USH2A: variants seen among roughly 807,000 people sequenced by gnomAD.
USH2A encodes Usher syndrome 2A (autosomal recessive, mild).
Under a neutral mutation model 538.9 loss-of-function variants are expected in USH2A, and 443 were observed. The observed-to-expected ratio is 0.82, with a 90% confidence interval of 0.76 to 0.89. The LOEUF is 0.89. USH2A is among the 40% of genes least tolerant of loss of function. The pLI, the probability that USH2A is intolerant of heterozygous loss-of-function variation, is 0.00. For missense variants in USH2A, 6,633 were observed against 6,324.8 expected (o/e 1.05, Z -1.65); for synonymous variants, 2,413 against 2,273.5 (o/e 1.06, Z -1.75).
At chr1:216,174,600 GTT>G in intron 21 of USH2A, 1 of 981,038 alleles carries the variant, frequency 1.0e-6, no homozygotes, top group Non-Finnish European at 1.2e-6. Context: ...TTAACACTGA[GTT>G]TTTTAGTGCC....
chr1:216,141,333 G>T (rs192686757), intron 21 of USH2A, among the ~76,000 whole-genome samples: 1 of 152,340 alleles, frequency 6.6e-6, no homozygotes, highest in Admixed American at 6.5e-5. Context: ...CAGTCTGCCT[G>T]CCAGGTGCTG....
chr1:216,177,345 C>T (rs1343058888), intron 20 of USH2A, among the ~76,000 whole-genome samples: 1 of 152,250 alleles, frequency 6.6e-6, no homozygotes, highest in East Asian at 1.9e-4. Flanking sequence ...TATTTGCCAT[C>T]TGTATATCTT....
At chr1:216,031,182 A>G (rs1182239123) in intron 32 of USH2A, among the ~76,000 whole-genome samples, 1 of 152,018 alleles carries the variant, frequency 6.6e-6, no homozygotes, top group East Asian at 1.9e-4. Context: ...AGTTTACTAA[A>G]TTTCCTAAAT....
Position 216,053,698 on chromosome 1 carries a change from G to A in USH2A, c.6050-5051C>T, listed in dbSNP as rs371421081. 2.1e-3 allele frequency among the ~76,000 whole-genome samples: 324 copies of A among 152,186 alleles called. 3 individuals carry two copies. The highest frequency in any genetic ancestry group is 7.1e-3 in the African/African-American group (296 of 41,508). ...ATGAAACACAGGAGCGTGGGTATCCGGATTAAAATCATTGGCACCAGCAGG... is the reference window on the plus strand; with the variant it reads ...ATGAAACACAGGAGCGTGGGTATCCAGATTAAAATCATTGGCACCAGCAGG... On this transcript the variant is annotated intron_variant, in intron 30 of 71. Transcript: ENST00000307340.
intron 21 of USH2A, among the ~76,000 whole-genome samples, chr1:216,112,642 T>A (rs1472920910): frequency 6.6e-6 from 1 of 152,108 alleles, no homozygotes; most frequent in Non-Finnish European, 1.5e-5. Context: ...GACCCCAGTG[T>A]CTGTTGTTCC....
intron 3 of USH2A, among the ~76,000 whole-genome samples, chr1:216,380,431 T>C (rs1303157132): frequency 2.0e-5 from 3 of 151,954 alleles, no homozygotes; most frequent in Non-Finnish European, 4.4e-5. Flanking sequence ...AAACAAAAAG[T>C]TCTAGGGAAT....
intron 37 of USH2A, among the ~76,000 whole-genome samples, chr1:215,962,803 A>G (rs1018677778): frequency 1.3e-5 from 2 of 152,164 alleles, no homozygotes; most frequent in East Asian, 3.9e-4. Context: ...TCATGAGAAC[A>G]TAATACGTGG....
intron 47 of USH2A, among the ~76,000 whole-genome samples, chr1:215,832,708 T>G (rs1663359279): frequency 6.6e-6 from 1 of 151,904 alleles, no homozygotes; most frequent in Admixed American, 6.6e-5. Context: ...AAGGATATGC[T>G]CTTATCACGT....
chr1:216,136,642 G>A (rs1343615716), intron 21 of USH2A, among the ~76,000 whole-genome samples: 1 of 152,086 alleles, frequency 6.6e-6, no homozygotes, highest in Non-Finnish European at 1.5e-5. Flanking sequence ...TTGGAAATAG[G>A]GATTTTGCAG....
At chr1:216,386,038 C>T (rs2038997972) in intron 3 of USH2A, among the ~76,000 whole-genome samples, 1 of 152,156 alleles carries the variant, frequency 6.6e-6, no homozygotes. Context: ...TATGTCTTAT[C>T]TCTTTCACTA....
intron 61 of USH2A, among the ~76,000 whole-genome samples, chr1:215,722,227 T>C (rs1659685167): frequency 6.6e-6 from 1 of 152,204 alleles, no homozygotes; most frequent in Admixed American, 6.5e-5. Flanking sequence ...GGAAATATGA[T>C]AATTATTTTT....
At chr1:215,946,991 C>T (rs1666775122) in intron 37 of USH2A, among the ~76,000 whole-genome samples, 1 of 150,910 alleles carries the variant, frequency 6.6e-6, no homozygotes, top group African/African-American at 2.4e-5. Flanking sequence ...GTTTTAATTA[C>T]ATGTTAAAAT....
At chr1:215,717,892 G>C (rs1322292388) in intron 61 of USH2A, among the ~76,000 whole-genome samples, 1 of 152,142 alleles carries the variant, frequency 6.6e-6, no homozygotes, top group Non-Finnish European at 1.5e-5. Context: ...CATAACATCA[G>C]GCGAGAAAGT....
rs531556312 is a variant in USH2A, at chr1:215,967,238, G to A, written c.6958-1759C>T. Among the ~76,000 whole-genome samples, 3 of 152,228 alleles carry A rather than the reference G, an allele frequency of 2.0e-5. No individual in the cohort carries two copies. In the South Asian group the frequency reaches 6.2e-4, roughly 32 times the overall value. ...GGCTGGAGTGCAGTGGCACAATCTC[G>A]GGTCACTGGAATCCCCACTTCCCAG... On this transcript the variant is annotated intron_variant, in intron 36 of 71. Transcript: ENST00000307340.
intron 35 of USH2A, among the ~76,000 whole-genome samples, chr1:215,973,656 C>CTTTTTTTTTT (rs750306238): frequency 1.3e-4 from 17 of 130,958 alleles, no homozygotes; most frequent in African/African-American, 2.6e-4. Context: ...TCTTCTTCTT[C>CTTTTTTTTTT]TTTTTTTTTT....
At chr1:216,083,367 C>A in intron 26 of USH2A, 89 bp downstream of exon 26, 2 of 1,403,556 alleles carry the variant, frequency 1.4e-6, no homozygotes, top group Non-Finnish European at 1.9e-6. Context: ...AAAGAAACCC[C>A]AATTAAGTGT....
chr1:216,047,934 C>T (rs2030593145), intron 31 of USH2A, among the ~76,000 whole-genome samples: 2 of 152,196 alleles, frequency 1.3e-5, no homozygotes, highest in Admixed American at 1.3e-4. Context: ...CTCTTTCTCA[C>T]TGCCTTCTTA....
Position 216,083,462 on chromosome 1 carries a change from A to C in USH2A, c.5292T>G (p.Phe1764Leu), listed in dbSNP as rs1019281801. The C allele has an allele frequency of 3.1e-6, 5 of 1,611,284 alleles. No individual in the cohort carries two copies. Among genetic ancestry groups the C allele is most frequent in the South Asian group, 1.1e-5 (1 of 90,910 alleles). The change falls in exon 26 of 72, where the codon TTT (phenylalanine) becomes TTG (leucine). Residue 1764 changes from phenylalanine to leucine, a missense_variant. Physicochemically the swap from Phe to Leu is conservative, Grantham distance 22. Transcript: ENST00000307340. ...ATCAAATTAATTCACATACAGCAAG[A>C]AAATCAGGTCCATCTTTGTTATAAA... is the stretch of plus-strand genomic sequence containing the variant. ...LFVYNKDGPD[F>L]LAMELKSGIL...
rs1290775477 is a variant in USH2A at position 215,758,873 on chromosome 1, C to T, written c.11232-121G>A. 1.6e-5 allele frequency: 17 copies of T among 1,071,702 alleles called. No individual in the cohort carries two copies. In the African/African-American group the frequency reaches 2.4e-4, roughly 15 times the overall value. 66.4% of individuals were successfully genotyped at this position (1,071,702 alleles called of 1,614,324 possible). A position where few individuals can be genotyped will look rare whatever the true frequency, so the allele number is the denominator to read the frequency against. ...TTGTGACAAATTGCAAACTCTTTGC[C>T]CCCTTTCCAGAAACTTGACTTGGTA... On this transcript the variant is annotated intron_variant, in intron 57 of 71. Transcript: ENST00000307340.
Sources: allele counts gnomAD v4.1 joint callset (sites outside exome capture counted in the v4.1 genomes callset), GRCh38; gene constraint gnomAD v4.1.1; transcripts MANE v1.5; gene names NCBI Gene and HGNC (gene_info 2026-07-23, HGNC 2026-07-21).